The following BLZF1 variants were observed in gnomAD, a reference collection of about 807,000 sequenced individuals.
The protein encoded by BLZF1 is basic leucine zipper nuclear factor 1.
Under a neutral mutation model 43.8 loss-of-function variants are expected in BLZF1, and 39 were observed. The observed-to-expected ratio is 0.89, with a 90% confidence interval of 0.69 to 1.16. The LOEUF is 1.16. Ranked by LOEUF, BLZF1 falls within the 50% of genes most tolerant of loss-of-function variation. The probability of loss-of-function intolerance (pLI) is 0.00; values close to 1 mark genes in which losing one functional copy is unlikely to be tolerated. For synonymous variants in BLZF1, 136 were observed against 159.4 expected (o/e 0.85, Z 1.11); for missense variants, 449 against 469.8 (o/e 0.96, Z 0.41).
intron 4 of BLZF1, among the ~76,000 whole-genome samples, chr1:169,379,634 C>G (rs759391734): frequency 1.5e-4 from 23 of 151,886 alleles, no homozygotes; most frequent in Non-Finnish European, 2.9e-4. Flanking sequence ...CTTCTAATGT[C>G]AACATTGTTT....
At chr1:169,383,793 G>A (rs753326408) in intron 6 of BLZF1, among the ~76,000 whole-genome samples, 23 of 151,618 alleles carry the variant, frequency 1.5e-4, no homozygotes, top group Admixed American at 7.9e-4. Context: ...AAATCTCTTC[G>A]TTCCTAAACA....
chr1:169,374,585 A>G (rs2102008429), intron 2 of BLZF1, among the ~76,000 whole-genome samples: 1 of 152,256 alleles, frequency 6.6e-6, no homozygotes, highest in African/African-American at 2.4e-5. Flanking sequence ...ATTATACCTC[A>G]GCTATGTTTC....
intron 5 of BLZF1, among the ~76,000 whole-genome samples, chr1:169,380,855 T>G (rs1654503398): frequency 6.6e-6 from 1 of 152,078 alleles, no homozygotes. Flanking sequence ...AGTAGAAGGA[T>G]TCTCTGGATT....
downstream of BLZF1, among the ~76,000 whole-genome samples, chr1:169,392,080 C>T (rs971845722): frequency 1.3e-5 from 2 of 152,076 alleles, no homozygotes; most frequent in Non-Finnish European, 2.9e-5. Flanking sequence ...GTGAAACAGT[C>T]GTTATGGAGG....
At chr1:169,375,645 C>T (rs543039342) in intron 2 of BLZF1, among the ~76,000 whole-genome samples, 1 of 151,096 alleles carries the variant, frequency 6.6e-6, no homozygotes, top group South Asian at 2.1e-4. Flanking sequence ...GTGGTCTTAC[C>T]TCATAGAATG....
intron 7 of BLZF1, chr1:169,395,802 T>TG (rs1356106003): frequency 6.6e-6 from 1 of 151,714 alleles, no homozygotes; most frequent in African/African-American, 2.4e-5. Flanking sequence ...CATATATACC[T>TG]GGTATGTAAG....
At chr1:169,395,296 G>T in intron 7 of BLZF1, 1 of 1,146,720 alleles carries the variant, frequency 8.7e-7, no homozygotes, top group Non-Finnish European at 1.2e-6. Context: ...AAAATAAATG[G>T]ACATTTCTTT....
chr1:169,382,370 G>T, intron 6 of BLZF1, 89 bp downstream of exon 6: 1 of 1,184,578 alleles, frequency 8.4e-7, no homozygotes, highest in Non-Finnish European at 1.2e-6. Flanking sequence ...TTGGCATTAG[G>T]AATTAGGAAA....
chr1:169,372,661 G>A (rs1459983834), intron 2 of BLZF1, among the ~76,000 whole-genome samples: 1 of 152,126 alleles, frequency 6.6e-6, no homozygotes, highest in Non-Finnish European at 1.5e-5. Context: ...ATACATGGCA[G>A]TAGGGACTTA....
At chr1:169,388,309 C>T (rs146186996), downstream of BLZF1, 14 of 152,108 alleles carry the variant, frequency 9.2e-5, no homozygotes, top group East Asian at 2.1e-3. Context: ...TTCTTTATTG[C>T]GACTATTCCT....
At chr1:169,380,138 C>T (rs1654480356) in intron 4 of BLZF1, among the ~76,000 whole-genome samples, 1 of 151,734 alleles carries the variant, frequency 6.6e-6, no homozygotes, top group African/African-American at 2.4e-5. Context: ...TTGTTTGTCT[C>T]TTTAAGTTTT....
In BLZF1 at chr1:169,378,542, G is replaced by T. The variant is rs1654435871; in HGVS notation, c.668+13G>T. 3 of 1,609,238 alleles carry T rather than the reference G, an allele frequency of 1.9e-6. No homozygotes were observed. The highest frequency in any genetic ancestry group is 2.6e-6 in the Non-Finnish European group (3 of 1,176,356). On this transcript the variant is annotated intron_variant, in intron 4 of 6. Coordinates refer to ENST00000367808, the MANE Select transcript of BLZF1 (RefSeq NM_001320973.2). The stretch of plus-strand genomic sequence containing the variant: ...TCCTTGCAAGCAGGTATTTTCTACA[G>T]CAAATAGTATTTCACTTCCTAGTTT...
chr1:169,374,788 A>G (rs182760934), intron 2 of BLZF1, among the ~76,000 whole-genome samples: 10 of 152,298 alleles, frequency 6.6e-5, no homozygotes, highest in Admixed American at 5.9e-4. Flanking sequence ...TTCTGTCTAT[A>G]TCAACATCCA....
At chr1:169,395,256 T>C (rs1654951222) in intron 7 of BLZF1, 1 of 1,473,306 alleles carries the variant, frequency 6.8e-7, no homozygotes, top group Non-Finnish European at 9.1e-7. Context: ...CTGAATACAC[T>C]CTTCATGCTA....
At chr1:169,368,896 G>A (rs1654000889) in intron 1 of BLZF1, among the ~76,000 whole-genome samples, 1 of 152,112 alleles carries the variant, frequency 6.6e-6, no homozygotes, top group South Asian at 2.1e-4. Context: ...TGGTAAATCT[G>A]AGTCTGTACT....
At chr1:169,381,470 G>C (rs2102015997) in intron 5 of BLZF1, among the ~76,000 whole-genome samples, 1 of 152,138 alleles carries the variant, frequency 6.6e-6, no homozygotes, top group Middle Eastern at 3.4e-3. Context: ...ATCTAAGGAA[G>C]ACATAAAACC....
chr1:169,386,026 A>G (rs2102020341), intron 6 of BLZF1, among the ~76,000 whole-genome samples: 1 of 152,326 alleles, frequency 6.6e-6, no homozygotes, highest in East Asian at 1.9e-4. Context: ...TAGGAACATG[A>G]GAATCAAGAG....
At position 169,382,115 on chromosome 1, in the gene BLZF1, C is replaced by T. The variant is rs776979549; in HGVS notation, c.851C>T (p.Ser284Phe). The stretch of plus-strand genomic sequence containing the variant: ...CAATGGGGAAGAGAGCAAACTTACT[C>T]CCCTAGTGTACAACCCCACAGCACA... ...SLQWGREQTY[S>F]PSVQPHSTAE... The change falls in exon 6 of 7, where the codon TCC (serine) becomes TTC (phenylalanine). Residue 284 changes from serine (S) to phenylalanine (F), a missense_variant. Transcript: ENST00000367808. 3.7e-6 allele frequency: 6 copies of T among 1,613,832 alleles called. No homozygotes were observed. Among genetic ancestry groups the T allele is most frequent in the Non-Finnish European group, 4.2e-6 (5 of 1,179,782 alleles).
downstream of BLZF1, among the ~76,000 whole-genome samples, chr1:169,392,630 C>T (rs1365478690): frequency 6.6e-6 from 1 of 152,160 alleles, no homozygotes; most frequent in East Asian, 1.9e-4. Flanking sequence ...CTGTGAGTAT[C>T]TTTGTATGCT....
Sources: allele counts gnomAD v4.1 joint callset (sites outside exome capture counted in the v4.1 genomes callset), GRCh38; gene constraint gnomAD v4.1.1; transcripts MANE v1.5; gene names NCBI Gene and HGNC (gene_info 2026-07-23, HGNC 2026-07-21).